Variants in FOXP1 observed in about 807,000 individuals in gnomAD.
FOXP1 encodes the protein forkhead box P1.
A neutral mutation model predicts 98.2 loss-of-function variants in FOXP1; 15 were observed. The ratio of observed to expected loss-of-function variants is 0.15; its 90% confidence interval spans 0.10 to 0.24. The LOEUF is 0.24. FOXP1 is among the 10% of genes least tolerant of loss of function. The pLI is 1.00. For missense variants in FOXP1, 633 were observed against 848.5 expected, an observed-to-expected ratio of 0.75 and a Z score of 3.15; for synonymous variants, 371 against 314.5, an observed-to-expected ratio of 1.18 and a Z score of -1.90.
At chr3:71,316,405 C>T (rs2075076527) in intron 4 of FOXP1, among the ~76,000 whole-genome samples, 1 of 152,096 alleles carries the variant, frequency 6.6e-6, no homozygotes, top group Non-Finnish European at 1.5e-5. Flanking sequence ...ACTATTCTAA[C>T]CATCACCCCA....
At chr3:71,375,538 A>T (rs2079650072) in intron 3 of FOXP1, among the ~76,000 whole-genome samples, 2 of 152,208 alleles carry the variant, frequency 1.3e-5, no homozygotes, top group Admixed American at 1.3e-4. Context: ...ACTTCAAGTG[A>T]ATTCTCAGCT....
chr3:71,025,092 A>T (rs1200976063), intron 11 of FOXP1, among the ~76,000 whole-genome samples: 2 of 152,198 alleles, frequency 1.3e-5, no homozygotes, highest in Admixed American at 1.3e-4. Context: ...TATACAACCT[A>T]TTTAAACGAG....
rs777107357 is a variant in FOXP1, at chr3:71,047,120, T to C, written c.511-25A>G. 6.8e-6 allele frequency: 11 copies of C among 1,613,556 alleles called. No homozygotes were observed. The South Asian group carries it at 1.2e-4, about 18-fold the overall frequency. On this transcript the variant is annotated intron_variant, in intron 9 of 20. Transcript: ENST00000649528. ...GCTGTAAGAAATCAGGAAGAAAAAA[T>C]GAGATGGCCACTTCCCAAGGAAGGT... is the stretch of plus-strand genomic sequence containing the variant.
intron 6 of FOXP1, among the ~76,000 whole-genome samples, chr3:71,134,932 T>C (rs890969860): frequency 1.3e-5 from 2 of 152,114 alleles, no homozygotes; most frequent in Non-Finnish European, 2.9e-5. Flanking sequence ...CCACCTCACA[T>C]ACATTTCTAG....
intron 5 of FOXP1, among the ~76,000 whole-genome samples, chr3:71,254,771 C>T (rs1042557896): frequency 6.6e-6 from 1 of 152,198 alleles, no homozygotes; most frequent in Non-Finnish European, 1.5e-5. Flanking sequence ...CTGTGTCTTT[C>T]ACTGTAGCTG....
At chr3:71,041,598 T>TAAATC in intron 10 of FOXP1, 66 bp from the exon 11 acceptor site, 1 of 1,470,856 alleles carries the variant, frequency 6.8e-7, no homozygotes, top group South Asian at 1.1e-5. Flanking sequence ...AAACAGCAAT[T>TAAATC]AAATCAAAGA....
chr3:71,255,641 G>T (rs2068560612), intron 5 of FOXP1, among the ~76,000 whole-genome samples: 1 of 152,134 alleles, frequency 6.6e-6, no homozygotes, highest in African/African-American at 2.4e-5. Context: ...ATTAGCAAAA[G>T]AAATGCATTC....
intron 4 of FOXP1, among the ~76,000 whole-genome samples, chr3:71,339,788 A>G (rs192602231): frequency 5.0e-4 from 76 of 152,348 alleles, no homozygotes; most frequent in Non-Finnish European, 8.8e-5. Flanking sequence ...GACAAAGACG[A>G]TAATTCCTCT....
At chr3:71,304,915 A>G (rs2074149298) in intron 4 of FOXP1, among the ~76,000 whole-genome samples, 1 of 152,090 alleles carries the variant, frequency 6.6e-6, no homozygotes, top group African/African-American at 2.4e-5. Flanking sequence ...CGGTCATGAA[A>G]ACTCCTTCTT....
At chr3:71,196,421 T>C (rs2063306409) in intron 6 of FOXP1, among the ~76,000 whole-genome samples, 1 of 152,152 alleles carries the variant, frequency 6.6e-6, no homozygotes, top group Non-Finnish European at 1.5e-5. Flanking sequence ...TATGTAAAGT[T>C]TTTTGGCTGG....
chr3:71,201,060 C>A (rs1040646650), intron 5 of FOXP1, among the ~76,000 whole-genome samples: 2 of 152,194 alleles, frequency 1.3e-5, no homozygotes, highest in Non-Finnish European at 2.9e-5. Flanking sequence ...AGCTGATTCA[C>A]TCTCATTTTT....
intron 3 of FOXP1, among the ~76,000 whole-genome samples, chr3:71,409,681 C>A (rs1479973483): frequency 6.6e-6 from 1 of 152,074 alleles, no homozygotes; most frequent in Admixed American, 6.5e-5. Context: ...CATAGCCCAG[C>A]AGTTAGGGGT....
intron 6 of FOXP1, among the ~76,000 whole-genome samples, chr3:71,126,446 A>G (rs1431656952): frequency 6.6e-6 from 1 of 152,074 alleles, no homozygotes; most frequent in African/African-American, 2.4e-5. Context: ...CCGAGATGAC[A>G]CTACTGTACT....
chr3:71,097,342 T>C (rs2056558478), intron 7 of FOXP1, among the ~76,000 whole-genome samples: 1 of 152,238 alleles, frequency 6.6e-6, no homozygotes. Flanking sequence ...TTCATTTACA[T>C]ATTGTCTATG....
At chr3:71,557,600 G>A (rs1216356971) in intron 2 of FOXP1, among the ~76,000 whole-genome samples, 1 of 152,196 alleles carries the variant, frequency 6.6e-6, no homozygotes, top group Non-Finnish European at 1.5e-5. Flanking sequence ...ACATTCAACT[G>A]TCTGTCCCAC....
intron 7 of FOXP1, among the ~76,000 whole-genome samples, chr3:71,074,588 C>T (rs2053608573): frequency 6.6e-6 from 1 of 152,142 alleles, no homozygotes; most frequent in African/African-American, 2.4e-5. Context: ...ACTTGAATGA[C>T]TCCAAAACAA....
intron 2 of FOXP1, among the ~76,000 whole-genome samples, chr3:71,529,223 C>T (rs990111012): frequency 6.6e-6 from 1 of 152,186 alleles, no homozygotes; most frequent in Non-Finnish European, 1.5e-5. Context: ...GTTAGTATGT[C>T]TCAATACTTC....
At chr3:71,571,551 T>A (rs2047342087) in intron 2 of FOXP1, 1 of 152,162 alleles carries the variant, frequency 6.6e-6, no homozygotes, top group South Asian at 2.1e-4. Flanking sequence ...GGAAAAAAAA[T>A]TAAGTTTTTC....
intron 3 of FOXP1, among the ~76,000 whole-genome samples, chr3:71,481,277 T>C (rs2090257562): frequency 6.6e-6 from 1 of 152,152 alleles, no homozygotes; most frequent in Non-Finnish European, 1.5e-5. Flanking sequence ...TACTATTATT[T>C]TAAAGGTGAG....
Sources: gnomAD v4.1 joint callset for allele counts (sites outside exome capture counted in the v4.1 genomes callset) on GRCh38, gnomAD v4.1.1 for gene constraint, MANE v1.5 for transcripts, NCBI Gene and HGNC (gene_info 2026-07-23, HGNC 2026-07-21) for gene names.